The following ANK3 variants were observed in gnomAD, a reference collection of about 807,000 sequenced individuals.
ANK3 encodes the protein ankyrin-3.
In ANK3, 57 loss-of-function variants were observed where a neutral mutation model predicts 370.9. The ratio of observed to expected loss-of-function variants is 0.15; its 90% CI spans 0.12 to 0.19. ANK3 has a LOEUF of 0.19. ANK3 is among the 10% of genes least tolerant of loss of function. The pLI is 1.00. For synonymous variants in ANK3, 1,929 were observed against 1,946.3 expected (o/e 0.99, Z 0.23); for missense variants, 4,439 against 5,302.1 (o/e 0.84, Z 5.06).
intron 2 of ANK3, among the ~76,000 whole-genome samples, chr10:60,536,591 G>A (rs1019196467): frequency 2.6e-5 from 4 of 151,892 alleles, no homozygotes; most frequent in Non-Finnish European, 4.4e-5. Flanking sequence ...CCCAACACAA[G>A]TTCATATATG....
At chr10:60,135,632 G>T (rs2094306223) in intron 24 of ANK3, among the ~76,000 whole-genome samples, 1 of 152,218 alleles carries the variant, frequency 6.6e-6, no homozygotes, top group Admixed American at 6.5e-5. Flanking sequence ...ATCTTTACCA[G>T]TTGAACCAGC....
intron 2 of ANK3, among the ~76,000 whole-genome samples, chr10:60,454,658 T>G (rs902342241): frequency 1.3e-5 from 2 of 152,164 alleles, no homozygotes; most frequent in African/African-American, 2.4e-5. Flanking sequence ...ATGACGTTTT[T>G]ATTACATACA....
intron 1 of ANK3, among the ~76,000 whole-genome samples, chr10:60,627,708 T>C (rs907437750): frequency 6.6e-6 from 1 of 152,152 alleles, no homozygotes; most frequent in Non-Finnish European, 1.5e-5. Flanking sequence ...CTATGATCAG[T>C]TGGATGACTC....
chr10:60,438,422 C>A (rs1276508094), intron 2 of ANK3, among the ~76,000 whole-genome samples: 3 of 152,238 alleles, frequency 2.0e-5, no homozygotes, highest in South Asian at 2.1e-4. Flanking sequence ...TACTCTCCCA[C>A]CTTCCCGCTC....
Position 60,082,301 on chromosome 10 carries a change from A to G in ANK3, c.4324-125T>C, listed in dbSNP as rs1445731553. The G allele has an allele frequency of 8.9e-6, 8 of 893,992 alleles. No homozygotes were observed. In the African/African-American group the frequency reaches 1.2e-4, roughly 13 times the overall value. 55.4% of individuals were successfully genotyped at this position (893,992 alleles called of 1,614,324 possible). ...TGCAAGCTGATTTAGAAAGCAAAGC[A>G]AATTTTAAAAAAAGCCAACAAAAAA... is the stretch of plus-strand genomic sequence containing the variant. On this transcript the variant is annotated intron_variant, in intron 34 of 43. Transcript: ENST00000280772.
chr10:60,562,687 A>C (rs2077366560), intron 2 of ANK3, among the ~76,000 whole-genome samples: 2 of 152,212 alleles, frequency 1.3e-5, no homozygotes, highest in South Asian at 4.1e-4. Flanking sequence ...AGGTTGTAAA[A>C]TCAATAGAGG....
chr10:60,342,774 G>A (rs2054555157), intron 1 of ANK3, among the ~76,000 whole-genome samples: 1 of 152,104 alleles, frequency 6.6e-6, no homozygotes, highest in African/African-American at 2.4e-5. Flanking sequence ...CTATATGGCA[G>A]TGCTTTCCAA....
At chr10:60,194,320 C>G (rs1050854583) in intron 16 of ANK3, among the ~76,000 whole-genome samples, 3 of 152,132 alleles carry the variant, frequency 2.0e-5, no homozygotes, top group Non-Finnish European at 4.4e-5. Flanking sequence ...ACTGTGTATT[C>G]ACATTGTTCT....
At chr10:60,597,921 G>A (rs1410224042) in intron 2 of ANK3, among the ~76,000 whole-genome samples, 1 of 152,124 alleles carries the variant, frequency 6.6e-6, no homozygotes, top group Non-Finnish European at 1.5e-5. Context: ...TTCTAAAGTG[G>A]TTCACGAAGC....
intron 43 of ANK3, among the ~76,000 whole-genome samples, chr10:60,041,742 G>A (rs1245991146): frequency 1.3e-5 from 2 of 152,150 alleles, no homozygotes; most frequent in Admixed American, 1.3e-4. Flanking sequence ...TAAGGCTTGC[G>A]GGGAGGGAGA....
chr10:60,572,559 A>G, intron 2 of ANK3: 2 of 1,531,736 alleles, frequency 1.3e-6, no homozygotes, highest in Non-Finnish European at 1.7e-6. Context: ...TTTATAAAAG[A>G]CAGATCACCG....
upstream of ANK3, among the ~76,000 whole-genome samples, chr10:60,393,003 C>T (rs2063144927): frequency 6.6e-6 from 1 of 151,958 alleles, no homozygotes; most frequent in Admixed American, 6.5e-5. Context: ...TTCCCTTTCT[C>T]AAGAAAAAAA....
intron 8 of ANK3, among the ~76,000 whole-genome samples, chr10:60,216,967 A>T (rs1404816186): frequency 1.3e-5 from 2 of 152,038 alleles, no homozygotes; most frequent in African/African-American, 4.8e-5. Flanking sequence ...CTATTCAGGG[A>T]TTCAATATCT....
chr10:60,486,989 AC>A (rs2075366186), intron 2 of ANK3, among the ~76,000 whole-genome samples: 1 of 152,190 alleles, frequency 6.6e-6, no homozygotes, highest in Non-Finnish European at 1.5e-5. Context: ...ACAATGCTGA[AC>A]TTTTAAGTTG....
At chr10:60,453,285 C>T (rs971849802) in intron 2 of ANK3, among the ~76,000 whole-genome samples, 2 of 152,150 alleles carry the variant, frequency 1.3e-5, no homozygotes, top group Non-Finnish European at 2.9e-5. Context: ...CAGCACAGAC[C>T]GGGGGCTCTT....
chr10:60,483,777 A>G (rs1595122547), intron 2 of ANK3, among the ~76,000 whole-genome samples: 2 of 152,190 alleles, frequency 1.3e-5, no homozygotes, highest in South Asian at 2.1e-4. Flanking sequence ...TACACACTCC[A>G]CGTGCTTGTC....
intron 23 of ANK3, among the ~76,000 whole-genome samples, chr10:60,157,868 CAG>C (rs1266255082): frequency 1.7e-5 from 2 of 118,376 alleles, no homozygotes; most frequent in Non-Finnish European, 3.5e-5. Flanking sequence ...AATGGAGAGA[CAG>C]AGAGAGAGAG....
intron 5 of ANK3, among the ~76,000 whole-genome samples, chr10:60,266,244 A>C (rs2097877166): frequency 6.6e-6 from 1 of 152,184 alleles, no homozygotes; most frequent in Non-Finnish European, 1.5e-5. Context: ...CTACATGTCA[A>C]TGTAAATATA....
At chr10:60,170,757 T>G (rs1203719241) in intron 21 of ANK3, among the ~76,000 whole-genome samples, 4 of 152,218 alleles carry the variant, frequency 2.6e-5, no homozygotes, top group Admixed American at 2.6e-4. Flanking sequence ...TCTCTGTCTT[T>G]CAGTTGATTT....
Sources: allele counts gnomAD v4.1 joint callset (sites outside exome capture counted in the v4.1 genomes callset), GRCh38; gene constraint gnomAD v4.1.1; transcripts MANE v1.5; gene names NCBI Gene and HGNC (gene_info 2026-07-23, HGNC 2026-07-21).